COL6A3: variants seen among roughly 807,000 people sequenced by gnomAD.
COL6A3 encodes collagen alpha-3(VI) chain.
Under a neutral mutation model 274.1 loss-of-function variants are expected in COL6A3, and 137 were observed. The observed-to-expected ratio is 0.50, with a 90% CI of 0.44 to 0.58. COL6A3 has a LOEUF of 0.58. Among genes scored for constraint, COL6A3 ranks in the 20% least tolerant of loss-of-function variants. COL6A3 has a pLI of 0.00. For missense variants in COL6A3, 3,950 were observed against 4,124.9 expected, an observed-to-expected ratio of 0.96 and a Z score of 1.16; for synonymous variants, 1,650 against 1,650.6, an observed-to-expected ratio of 1.00 and a Z score of 0.01.
intron 3 of COL6A3, among the ~76,000 whole-genome samples, chr2:237,394,268 A>T (rs2078368296): frequency 6.6e-6 from 1 of 152,340 alleles, no homozygotes; most frequent in East Asian, 1.9e-4. Context: ...GATCAGATGC[A>T]CACCTCACCA....
At chr2:237,396,111 T>G (rs191757336) in intron 2 of COL6A3, among the ~76,000 whole-genome samples, 1 of 152,334 alleles carries the variant, frequency 6.6e-6, no homozygotes, top group African/African-American at 2.4e-5. Flanking sequence ...CCAAGCTCTC[T>G]GGGTCAAGGA....
chr2:237,365,647 A>T (rs2077532761), intron 12 of COL6A3, 51 bp downstream of exon 12: 1 of 1,545,142 alleles, frequency 6.5e-7, no homozygotes, highest in Admixed American at 1.7e-5. Context: ...CCTTTCCAGT[A>T]AAAATTTGGA....
In COL6A3 at chr2:237,366,987, C is replaced by T; in HGVS notation, c.5200G>A (p.Glu1734Lys). ...EHLRVNHFVP[E>K]AGSRLDQRVP... ...CGCTGGTCCAGGCGGCTGCCTGCCT[C>T]AGGCACAAAGTGGTTTACCCGCAGG... is the stretch of plus-strand genomic sequence containing the variant. The change falls in exon 11 of 44, where the codon GAG (glutamate) becomes AAG (lysine). Residue 1734 changes from glutamate (E) to lysine (K), a missense_variant. Glu to Lys is a moderately conservative substitution (Grantham distance 56). This residue lies in a region of COL6A3 where 632 missense variants were observed against 623.4 expected (regional missense o/e 1.01). Transcript: ENST00000295550. 1 of 1,614,270 alleles carries T rather than the reference C, an allele frequency of 6.2e-7. No individual in the cohort carries two copies. Among genetic ancestry groups the T allele is most frequent in the Non-Finnish European group, 8.5e-7 (1 of 1,180,054 alleles).
intron 42 of COL6A3, among the ~76,000 whole-genome samples, chr2:237,332,440 C>T (rs920295029): frequency 6.6e-6 from 1 of 152,076 alleles, no homozygotes; most frequent in African/African-American, 2.4e-5. Flanking sequence ...TCTGTCCTGA[C>T]CCACACCTTT....
In COL6A3 at chr2:237,334,631, C is replaced by G; in HGVS notation, c.9224G>C (p.Ser3075Thr). 1 of 1,613,314 alleles carries G rather than the reference C, an allele frequency of 6.2e-7. No homozygotes were observed. The change falls in exon 41 of 44, where the codon AGT becomes ACT. Residue 3075 changes from serine to threonine, a missense_variant. Physicochemically the swap from Ser to Thr is moderately conservative, Grantham distance 58 (BLOSUM62 1). Coordinates refer to ENST00000295550, the MANE Select transcript of COL6A3 (RefSeq NM_004369.4). ...QVRATYHGSFSTKKSQPPPPQ... is the reference protein window; with the variant it reads ...QVRATYHGSFTTKKSQPPPPQ... Reference sequence around the variant, plus strand: ...TGTACTGATCATGTACTTACTTGTACTGAAACTTCCGTGGTAGGTGGCTCT... The same window carrying G: ...TGTACTGATCATGTACTTACTTGTAGTGAAACTTCCGTGGTAGGTGGCTCT...
intron 42 of COL6A3, chr2:237,333,164 G>A: frequency 2.1e-6 from 1 of 484,646 alleles, no homozygotes; most frequent in South Asian, 2.3e-5. Flanking sequence ...TCGAGTCCCA[G>A]TATGAGGCAC....
At position 237,344,504 on chromosome 2, in the gene COL6A3, C is replaced by G; in HGVS notation, c.7514G>C (p.Gly2505Ala). Residue 2505 changes from glycine (G) to alanine (A), a missense_variant, in exon 36 of 44, where the codon GGA (glycine) becomes GCA (alanine). By Grantham distance (60) the Gly-to-Ala change is moderately conservative (BLOSUM62 0). Coordinates refer to ENST00000295550, the MANE Select transcript of COL6A3 (RefSeq NM_004369.4). The surrounding 1 kb of genome is among the most constrained non-coding windows in gnomAD (Gnocchi z 4.8). ...AACAGCCACTTTCCTCATTAGGAATCCGTTCCTCACACGCTTAAATGTGTT... is the reference window on the plus strand; with the variant it reads ...AACAGCCACTTTCCTCATTAGGAATGCGTTCCTCACACGCTTAAATGTGTT... ...ARNTFKRVRN[G>A]FLMRKVAVFF... is the part of the protein sequence containing the mutation. 1 of 1,614,198 alleles carries G rather than the reference C, an allele frequency of 6.2e-7. No homozygotes were observed. The highest frequency in any genetic ancestry group is 1.1e-5 in the South Asian group (1 of 91,082).
chr2:237,358,436 A>G, intron 21 of COL6A3, 85 bp downstream of exon 21: 1 of 1,133,450 alleles, frequency 8.8e-7, no homozygotes, highest in Non-Finnish European at 1.3e-6. Context: ...CAATTTCAAA[A>G]GTAGAATTCT....
rs886042403 is a variant in COL6A3, at chr2:237,381,490, A to G, written c.1322T>C (p.Val441Ala). The G allele has an allele frequency of 1.2e-6, 2 of 1,601,734 alleles. No homozygotes were observed. Among genetic ancestry groups the G allele is most frequent in the African/African-American group, 2.7e-5 (2 of 74,910 alleles). ...PPTIVTQVIE[V>A]NKRDIVFLVD... Reference sequence around the variant, plus strand: ...CAGGAAGACTATGTCTCTCTTGTTGACTTCAATGACTGTAGGTGGCAACAT... The same window carrying G: ...CAGGAAGACTATGTCTCTCTTGTTGGCTTCAATGACTGTAGGTGGCAACAT... Residue 441 changes from valine to alanine, a missense_variant, in exon 5 of 44, where the codon GTC becomes GCC. Coordinates refer to ENST00000295550, the MANE Select transcript of COL6A3 (RefSeq NM_004369.4).
chr2:237,368,286 T>A lies in COL6A3; in HGVS notation c.4900+277A>T, dbSNP rs140048699. Among the ~76,000 whole-genome samples the A allele has an allele frequency of 1.9e-3, 287 of 152,328 alleles. No individual in the cohort carries two copies. Among genetic ancestry groups the A allele is most frequent in the Non-Finnish European group, 2.3e-3 (157 of 68,036 alleles). ...GGACTGGCTGATTTCAAAGATGCCA[T>A]CCTATTCTGAGAGCCAATGAGTTTG... On this transcript the variant is annotated intron_variant, in intron 10 of 43. Transcript: ENST00000295550. The surrounding 1 kb of genome is among the most constrained non-coding windows in gnomAD (Gnocchi z 4.4).
chr2:237,333,907 A>G (rs1327224706), intron 41 of COL6A3, among the ~76,000 whole-genome samples: 2 of 152,170 alleles, frequency 1.3e-5, no homozygotes, highest in Admixed American at 6.5e-5. Flanking sequence ...CCCTTTCCTC[A>G]AGCTGGTTCC....
rs1432743406 is a variant in COL6A3, at chr2:237,358,539, A to C, written c.6453T>G (p.Val2151=). 1 of 1,613,988 alleles carries C rather than the reference A, an allele frequency of 6.2e-7. No homozygotes were observed. ...PRGEKGERGD[V]GIRGDPGNPG... Reference sequence around the variant, plus strand: ...TCTTTACCGGGTCCCCTCGAATCCCAACATCTCCTCTTTCTCCTTTCTCTC... The same window carrying C: ...TCTTTACCGGGTCCCCTCGAATCCCCACATCTCCTCTTTCTCCTTTCTCTC... The change falls in exon 21 of 44, where the codon GTT becomes GTG. Residue 2151 remains valine (V), a synonymous_variant. Transcript: ENST00000295550.
chr2:237,395,956 T>A (rs952988546), intron 2 of COL6A3, among the ~76,000 whole-genome samples: 2 of 152,330 alleles, frequency 1.3e-5, no homozygotes, highest in South Asian at 4.1e-4. Flanking sequence ...GGTGCCCTTC[T>A]GCAGCTGTGA....
chr2:237,338,208 T>C (rs1475669614), intron 39 of COL6A3, among the ~76,000 whole-genome samples: 2 of 152,212 alleles, frequency 1.3e-5, no homozygotes, highest in Non-Finnish European at 2.9e-5. Flanking sequence ...AGTTCTAACC[T>C]AGGTCACAAG....
rs550122375 is a variant in COL6A3, at chr2:237,377,199, G to A, written c.2643C>T (p.Ser881=). 3.3e-5 allele frequency: 54 copies of A among 1,613,924 alleles called. No individual in the cohort carries two copies. The highest frequency in any genetic ancestry group is 8.0e-5 in the African/African-American group (6 of 74,994). ...AACGGGACTCCACCTTGACATCATC[G>A]CTGTACTGAGCCACCGCAATTCGGG... ...EGTRIAVAQY[S]DDVKVESRFD... is the part of the protein sequence containing the mutation. The change falls in exon 7 of 44, where the codon AGC becomes AGT. Residue 881 remains serine, a synonymous_variant. Coordinates refer to ENST00000295550, the MANE Select transcript of COL6A3 (RefSeq NM_004369.4).
chr2:237,391,907 G>C (rs4663739), intron 3 of COL6A3, among the ~76,000 whole-genome samples: 6,382 of 152,278 alleles, frequency 0.042, 290 homozygotes, highest in African/African-American at 0.11. Context: ...TCGTAGCGAG[G>C]AGTGCAGTTC....
chr2:237,341,764 G>A (rs1038067882), intron 37 of COL6A3, among the ~76,000 whole-genome samples: 12 of 152,070 alleles, frequency 7.9e-5, no homozygotes, highest in African/African-American at 2.9e-4. Context: ...ATATGTTCTA[G>A]AAAGTCACTA....
intron 12 of COL6A3, among the ~76,000 whole-genome samples, 177 bp downstream of exon 12, chr2:237,365,521 A>T (rs182368564): frequency 6.6e-6 from 1 of 152,358 alleles, no homozygotes; most frequent in Non-Finnish European, 1.5e-5. Flanking sequence ...TAAGACTACC[A>T]AAATGAGGAA....
intron 1 of COL6A3, among the ~76,000 whole-genome samples, chr2:237,412,316 C>T (rs905061258): frequency 1.3e-5 from 2 of 152,240 alleles, no homozygotes; most frequent in Non-Finnish European, 2.9e-5. Context: ...CCCCGCCCCA[C>T]GGTCCACCTC....
Sources: gnomAD v4.1 joint callset for allele counts (sites outside exome capture counted in the v4.1 genomes callset) on GRCh38, gnomAD v4.1.1 for gene constraint, gnomAD v4.1.1 regional missense constraint, Gnocchi (gnomAD v3.1) non-coding constraint, MANE v1.5 for transcripts, NCBI Gene and HGNC (gene_info 2026-07-23, HGNC 2026-07-21) for gene names.